SLC6A20: variants seen among roughly 807,000 people sequenced by gnomAD.
The protein encoded by SLC6A20 is solute carrier family 6 member 20.
In SLC6A20, 73 loss-of-function variants were observed where a neutral mutation model predicts 64.3. The observed-to-expected ratio is 1.14, with a 90% CI of 0.94 to 1.38. The LOEUF is 1.38. Ranked by LOEUF, SLC6A20 falls within the 40% of genes most tolerant of loss-of-function variation. The pLI, the probability that SLC6A20 is intolerant of heterozygous loss-of-function variation, is 0.00. For synonymous variants in SLC6A20, 347 were observed against 329.6 expected, an observed-to-expected ratio of 1.05 and a Z score of -0.57; for missense variants, 725 against 772.8, an observed-to-expected ratio of 0.94 and a Z score of 0.73.
chr3:45,768,293 G>A (rs1280665818), intron 7 of SLC6A20, among the ~76,000 whole-genome samples: 1 of 151,642 alleles, frequency 6.6e-6, no homozygotes, highest in Non-Finnish European at 1.5e-5. Context: ...CCAAACAGCA[G>A]GGAATAAAGT....
At chr3:45,760,191 C>T (rs999367237) in intron 9 of SLC6A20, among the ~76,000 whole-genome samples, 169 bp from the exon 10 acceptor site, 1 of 152,118 alleles carries the variant, frequency 6.6e-6, no homozygotes, top group African/African-American at 2.4e-5. Context: ...ACGAGTGCTG[C>T]GGTGGGGAGG....
intron 1 of SLC6A20, among the ~76,000 whole-genome samples, chr3:45,792,755 T>A (rs1417311046): frequency 1.3e-5 from 2 of 152,168 alleles, no homozygotes; most frequent in Non-Finnish European, 2.9e-5. Context: ...GCACAATACG[T>A]TGGCAGTCTG....
rs201961518 is a variant in SLC6A20, at chr3:45,782,213, C to T, written c.132G>A (p.Leu44=). The change falls in exon 2 of 11, where the codon CTG becomes CTA. Residue 44 remains leucine (L), a synonymous_variant. Transcript: ENST00000358525. The stretch of plus-strand genomic sequence containing the variant: ...CGATAAGCATGATGATGTAGGGGAC[C>T]AGGAAACTACCTGTGGATGTCCAGA... ...LCQMYGGGSF[L]VPYIIMLIVE... 291 of 1,612,606 alleles carry T rather than the reference C, an allele frequency of 1.8e-4. No homozygotes were observed. Among genetic ancestry groups the T allele is most frequent in the Middle Eastern group, 8.3e-4 (5 of 6,058 alleles).
At chr3:45,779,896 C>T in intron 3 of SLC6A20, 113 bp downstream of exon 3, 2 of 1,163,516 alleles carry the variant, frequency 1.7e-6, no homozygotes, top group Non-Finnish European at 2.4e-6. Context: ...CCACCGGCTC[C>T]CCGCCCCGAG....
At chr3:45,784,760 AAG>A (rs1394590355) in intron 1 of SLC6A20, among the ~76,000 whole-genome samples, 1 of 152,212 alleles carries the variant, frequency 6.6e-6, no homozygotes, top group African/African-American at 2.4e-5. Context: ...ATAATTTACA[AAG>A]AACAGAAATT....
chr3:45,765,441 GA>G lies in SLC6A20; in HGVS notation c.1303+95del. The G allele has an allele frequency of 7.1e-7, 1 of 1,407,010 alleles. No homozygotes were observed. Among genetic ancestry groups the G allele is most frequent in the Non-Finnish European group, 9.7e-7 (1 of 1,035,082 alleles). 87.2% of individuals were successfully genotyped at this position (1,407,010 alleles called of 1,614,324 possible). Reference sequence around the variant, plus strand: ...TGGCTGCAACCCCCTGTAGCCACCTGAACCAGCCCATGACCCCTGAGGGAGC... The same window carrying G: ...TGGCTGCAACCCCCTGTAGCCACCTGACCAGCCCATGACCCCTGAGGGAGC... On this transcript the variant is annotated intron_variant, in intron 8 of 10. Coordinates refer to ENST00000358525, the MANE Select transcript of SLC6A20 (RefSeq NM_020208.4). This position sits in a 1 kb window ranked among gnomAD's most constrained non-coding sequence, Gnocchi z 4.2.
In SLC6A20 at chr3:45,796,416, C is replaced by G; in HGVS notation, c.4G>C (p.Glu2Gln). M[E>Q]KARPLWANSL... ...TTGGCCCACAGCGGCCGCGCTTTCT[C>G]CATGGCCCCGGCCTCGGCGCGCTCG... The change falls in exon 1 of 11, where the codon GAG becomes CAG. Residue 2 changes from glutamate to glutamine, a missense_variant. Coordinates refer to ENST00000358525, the MANE Select transcript of SLC6A20 (RefSeq NM_020208.4). 1 of 1,611,674 alleles carries G rather than the reference C, an allele frequency of 6.2e-7. No individual in the cohort carries two copies. Among genetic ancestry groups the G allele is most frequent in the Non-Finnish European group, 8.5e-7 (1 of 1,179,198 alleles).
Position 45,765,779 on chromosome 3 carries a change from G to T in SLC6A20, c.1099-38C>A. ...AGAAGACACCAGTTACATGCAAGAGGGACTTATAGTCTTATTCACGCACTC... is the reference window on the plus strand; with the variant it reads ...AGAAGACACCAGTTACATGCAAGAGTGACTTATAGTCTTATTCACGCACTC... On this transcript the variant is annotated intron_variant, in intron 7 of 10. Coordinates refer to ENST00000358525, the MANE Select transcript of SLC6A20 (RefSeq NM_020208.4). This position sits in a 1 kb window ranked among gnomAD's most constrained non-coding sequence, Gnocchi z 4.2. 6.2e-7 allele frequency: 1 copy of T among 1,610,478 alleles called. No homozygotes were observed. The highest frequency in any genetic ancestry group is 8.5e-7 in the Non-Finnish European group (1 of 1,177,288).
In SLC6A20 at chr3:45,762,929, C is replaced by A. The variant is rs146575685; in HGVS notation, c.1447G>T (p.Val483Leu). 3.7e-6 allele frequency: 6 copies of A among 1,614,154 alleles called. No individual in the cohort carries two copies. The South Asian group carries it at 5.5e-5, about 15-fold the overall frequency. ...CCTCCTCACCTCCTCAGCCCGTACA[C>A]GTAGCACACGGCAATCGTCTCCACC... The part of the protein sequence containing the change: ...VLVETIAVCY[V>L]YGLRRFESDL... The change falls in exon 9 of 11, where the codon GTG becomes TTG. Residue 483 changes from valine (V) to leucine (L), a missense_variant. By Grantham distance (32) the Val-to-Leu change is conservative (BLOSUM62 1). Transcript: ENST00000358525.
intron 8 of SLC6A20, among the ~76,000 whole-genome samples, chr3:45,763,783 G>T (rs1401461398): frequency 1.3e-5 from 2 of 152,148 alleles, no homozygotes; most frequent in Non-Finnish European, 2.9e-5. Flanking sequence ...CCCTCCAGCT[G>T]CCTTCCCTGG....
intron 6 of SLC6A20, among the ~76,000 whole-genome samples, chr3:45,770,850 C>T (rs1699850462): frequency 1.3e-5 from 2 of 152,330 alleles, no homozygotes; most frequent in East Asian, 1.9e-4. Flanking sequence ...CAGCATACCT[C>T]CTGGATGATG....
At position 45,772,521 on chromosome 3, in the gene SLC6A20, T is replaced by C. The variant is rs747944050; in HGVS notation, c.677A>G (p.Tyr226Cys). 1 of 1,613,474 alleles carries C rather than the reference T, an allele frequency of 6.2e-7. No individual in the cohort carries two copies. Among genetic ancestry groups the C allele is most frequent in the East Asian group, 2.2e-5 (1 of 44,856 alleles). ...TLHGATNGLM[Y>C]MFTPKIEQLA... ...AGCCCGTACCTTGGGAGTGAACATG[T>C]ACATGAGGCCATTGGTGGCTCCGTG... Residue 226 changes from tyrosine to cysteine, a missense_variant, in exon 5 of 11, where the codon TAC becomes TGC. Transcript: ENST00000358525.
chr3:45,779,017 C>T (rs1174067164), intron 3 of SLC6A20, among the ~76,000 whole-genome samples: 1 of 152,222 alleles, frequency 6.6e-6, no homozygotes, highest in Non-Finnish European at 1.5e-5. Context: ...ATTCCTCACG[C>T]CCCCACAGAG....
chr3:45,758,479 A>G lies in SLC6A20; in HGVS notation c.*499T>C, dbSNP rs1699589434. Reference sequence around the variant, plus strand: ...AAGATTTAAAGGGTGGAAGGGGAACACAGAAATTGCATATTCACTACAACT... The same window carrying G: ...AAGATTTAAAGGGTGGAAGGGGAACGCAGAAATTGCATATTCACTACAACT... On this transcript the variant is annotated 3_prime_UTR_variant, in exon 11 of 11. Transcript: ENST00000358525. 8.1e-7 allele frequency: 1 copy of G among 1,238,330 alleles called. No homozygotes were observed. 76.7% of individuals were successfully genotyped at this position (1,238,330 alleles called of 1,614,324 possible). A position where few individuals can be genotyped will look rare whatever the true frequency, so the allele number is the denominator to read the frequency against.
rs1699631231 is a variant in SLC6A20, at chr3:45,759,780, G to A, written c.1629+77C>T. 4 of 1,506,228 alleles carry A rather than the reference G, an allele frequency of 2.7e-6. No individual in the cohort carries two copies. In the South Asian group the frequency reaches 5.3e-5, roughly 20 times the overall value. The allele number at this position is 1,506,228 out of a possible 1,614,324, so 93.3% of individuals were successfully genotyped here. On this transcript the variant is annotated intron_variant, in intron 10 of 10. Transcript: ENST00000358525. ...ACCCACACCATGGAAATAGTCCCCTGGTTTCGGAAAATGAATGGCCCATGC... is the reference window on the plus strand; with the variant it reads ...ACCCACACCATGGAAATAGTCCCCTAGTTTCGGAAAATGAATGGCCCATGC...
At chr3:45,775,178 C>G (rs560695434) in intron 4 of SLC6A20, among the ~76,000 whole-genome samples, 1 of 152,174 alleles carries the variant, frequency 6.6e-6, no homozygotes, top group South Asian at 2.1e-4. Context: ...AGATCAAGCC[C>G]GACAGCTCTG....
At chr3:45,772,736 G>GGGC in intron 4 of SLC6A20, 121 bp from the exon 5 acceptor site, 3 of 773,682 alleles carry the variant, frequency 3.9e-6, no homozygotes, top group Non-Finnish European at 6.3e-6. Context: ...GCTGACAGCT[G>GGGC]GAAAAGGCAT....
intron 1 of SLC6A20, among the ~76,000 whole-genome samples, chr3:45,792,587 G>C (rs754210418): frequency 3.3e-5 from 5 of 152,184 alleles, no homozygotes; most frequent in African/African-American, 4.8e-5. Context: ...CCACTTTACA[G>C]GTAAACAGCT....
At chr3:45,770,074 G>C (rs923350478) in intron 7 of SLC6A20, 135 bp downstream of exon 7, 39 of 1,146,202 alleles carry the variant, frequency 3.4e-5, no homozygotes, top group Non-Finnish European at 4.8e-5. Flanking sequence ...TCTTCCCCTT[G>C]GAGTTGCAGG....
Sources: gnomAD v4.1 joint callset for allele counts (sites outside exome capture counted in the v4.1 genomes callset) on GRCh38, gnomAD v4.1.1 for gene constraint, Gnocchi (gnomAD v3.1) non-coding constraint, MANE v1.5 for transcripts, NCBI Gene and HGNC (gene_info 2026-07-23, HGNC 2026-07-21) for gene names.